The following FYB2 variants were observed in gnomAD, a reference collection of about 807,000 sequenced individuals.
FYB2 encodes the protein FYN binding protein 2, also known as FYN-binding protein 2.
FYB2 carries 103 observed loss-of-function variants against 94.1 expected under a neutral mutation model. The ratio of observed to expected loss-of-function variants is 1.09; its 90% CI spans 0.93 to 1.29. The LOEUF (loss-of-function observed/expected upper bound fraction) is 1.29. Among genes scored for constraint, FYB2 ranks in the 50% most tolerant of loss-of-function variants. The pLI is 0.00. For synonymous variants in FYB2, 293 were observed against 287.9 expected (o/e 1.02, Z -0.18); for missense variants, 896 against 841.5 (o/e 1.06, Z -0.80).
intron 5 of FYB2, 107 bp downstream of exon 5, chr1:56,767,722 G>T: frequency 1.2e-6 from 1 of 806,968 alleles, no homozygotes; most frequent in South Asian, 1.6e-5. Context: ...GGTTGTGCAG[G>T]ATGGCTGTGC....
chr1:56,804,413 T>C (rs1646591997), intron 1 of FYB2, among the ~76,000 whole-genome samples: 1 of 152,164 alleles, frequency 6.6e-6, no homozygotes, highest in Non-Finnish European at 1.5e-5. Context: ...ATTAATTTCA[T>C]GCCAATGATG....
intron 15 of FYB2, 133 bp downstream of exon 15, chr1:56,736,954 A>G: frequency 1.4e-6 from 1 of 708,654 alleles, no homozygotes. Flanking sequence ...CCTCTTAGTG[A>G]GAAGACTATC....
Position 56,737,089 on chromosome 1 carries a change from T to A in FYB2, c.1791A>T (p.Ser597=). Reference sequence around the variant, plus strand: ...GACCAATAAGGTAAATTACTTACTTTGACTCTTTTTCACTCAGGTCTACAT... The same window carrying A: ...GACCAATAAGGTAAATTACTTACTTAGACTCTTTTTCACTCAGGTCTACAT... The part of the protein sequence containing the change: ...YDDVDLSEKE[S]KDEDKLKMWK... Residue 597 remains serine, a splice_region_variant and synonymous_variant, in exon 15 of 20, where the codon TCA becomes TCT. Transcript: ENST00000343433. 1.3e-6 allele frequency: 2 copies of A among 1,599,652 alleles called. No individual in the cohort carries two copies. Among genetic ancestry groups the A allele is most frequent in the Non-Finnish European group, 1.7e-6 (2 of 1,169,164 alleles).
intron 1 of FYB2, among the ~76,000 whole-genome samples, chr1:56,807,060 C>T (rs1248338152): frequency 6.6e-6 from 1 of 152,126 alleles, no homozygotes; most frequent in Non-Finnish European, 1.5e-5. Flanking sequence ...GAACAGGAGG[C>T]TTCACTAGAA....
intron 5 of FYB2, among the ~76,000 whole-genome samples, chr1:56,766,196 T>C (rs1645619443): frequency 6.6e-6 from 1 of 152,144 alleles, no homozygotes; most frequent in South Asian, 2.1e-4. Context: ...AACCAGAATC[T>C]ACATTTTAAC....
upstream of FYB2, chr1:56,823,784 G>C (rs1647007008): frequency 6.6e-6 from 1 of 152,158 alleles, no homozygotes; most frequent in Admixed American, 6.5e-5. Context: ...GTAAAGAAAT[G>C]GTCTTCCCCC....
intron 1 of FYB2, among the ~76,000 whole-genome samples, chr1:56,800,477 A>G (rs1473414033): frequency 1.3e-5 from 2 of 152,164 alleles, no homozygotes; most frequent in Non-Finnish European, 2.9e-5. Context: ...AGGCAAAAAA[A>G]TAAATAAATT....
At chr1:56,720,456 CAT>C in intron 17 of FYB2, 127 bp from the exon 18 acceptor site, 1 of 779,874 alleles carries the variant, frequency 1.3e-6, no homozygotes, top group Non-Finnish European at 1.8e-6. Flanking sequence ...TTAAATAACA[CAT>C]ACAGGAAGAG....
At position 56,792,314 on chromosome 1, in the gene FYB2, T is replaced by G. The variant is rs1646289192; in HGVS notation, c.499A>C (p.Ile167Leu). Residue 167 changes from isoleucine (I) to leucine (L), a missense_variant, in exon 2 of 20, where the codon ATC becomes CTC. By Grantham distance (5) the Ile-to-Leu change is conservative (BLOSUM62 2). Transcript: ENST00000343433. ...ATGCCTTTTTGCCCTTCCAGATGGA[T>G]GGCCTTACTTCCATAGTTGGCAAGG... The part of the protein sequence containing the change: ...LLLANYGSKA[I>L]HLEGQKGMGL... 1 of 1,614,154 alleles carries G rather than the reference T, an allele frequency of 6.2e-7. No individual in the cohort carries two copies. The highest frequency in any genetic ancestry group is 1.7e-5 in the Admixed American group (1 of 60,014).
In FYB2 at chr1:56,719,607, G is replaced by T. The variant is rs1171578578; in HGVS notation, c.*64C>A. ...ACATGTAAACTGAAACTGATGTAACGCAGGACTAGGATCTTAGGACTAGTT... is the reference window on the plus strand; with the variant it reads ...ACATGTAAACTGAAACTGATGTAACTCAGGACTAGGATCTTAGGACTAGTT... On this transcript the variant is annotated 3_prime_UTR_variant, in exon 20 of 20. Transcript: ENST00000343433. 7.1e-7 allele frequency: 1 copy of T among 1,404,276 alleles called. No homozygotes were observed. Among genetic ancestry groups the T allele is most frequent in the Non-Finnish European group, 9.7e-7 (1 of 1,027,404 alleles). 87.0% of individuals were successfully genotyped at this position (1,404,276 alleles called of 1,614,324 possible).
In FYB2 at chr1:56,792,541, G is replaced by C. The variant is rs1299696564; in HGVS notation, c.272C>G (p.Ser91Cys). ...LAQKSEIPKC[S>C]NSPGPLGKST... ...CTTTCCCAGAGGCCCTGGGGAGTTA[G>C]AACATTTTGGAATTTCACTCTTCTG... The change falls in exon 2 of 20, where the codon TCT becomes TGT. Residue 91 changes from serine to cysteine, a missense_variant. Ser to Cys is a moderately radical substitution (Grantham distance 112). Transcript: ENST00000343433. The C allele has an allele frequency of 6.2e-7, 1 of 1,614,032 alleles. No individual in the cohort carries two copies. The highest frequency in any genetic ancestry group is 1.3e-5 in the African/African-American group (1 of 74,924).
At chr1:56,732,606 A>G (rs866868355) in intron 15 of FYB2, among the ~76,000 whole-genome samples, 1 of 152,176 alleles carries the variant, frequency 6.6e-6, no homozygotes, top group Non-Finnish European at 1.5e-5. Flanking sequence ...TAATCAAAAC[A>G]GCACAGTGTT....
At position 56,744,285 on chromosome 1, in the gene FYB2, A is replaced by G. The variant is rs780485808; in HGVS notation, c.1388-19T>C. The stretch of plus-strand genomic sequence containing the variant: ...TGCCCACCTGAAAGGAAACCAGAAA[A>G]CCTGAAAAACATCACATCAGCTGCC... On this transcript the variant is annotated intron_variant, in intron 9 of 19. Transcript: ENST00000343433. 4 of 1,564,832 alleles carry G rather than the reference A, an allele frequency of 2.6e-6. No homozygotes were observed. Among genetic ancestry groups the G allele is most frequent in the Non-Finnish European group, 3.5e-6 (4 of 1,140,176 alleles).
At position 56,720,076 on chromosome 1, in the gene FYB2, C is replaced by G. The variant is rs201405302; in HGVS notation, c.2132-21G>C. On this transcript the variant is annotated intron_variant, in intron 18 of 19. Transcript: ENST00000343433. ...TCCATCTAATAGAAACAAAAGTCACCGTTAATTTGAAAGTTATAGAGAAAA... is the reference window on the plus strand; with the variant it reads ...TCCATCTAATAGAAACAAAAGTCACGGTTAATTTGAAAGTTATAGAGAAAA... The G allele has an allele frequency of 1.8e-5, 29 of 1,596,456 alleles. No individual in the cohort carries two copies. In the African/African-American group the frequency reaches 3.7e-4, roughly 20 times the overall value.
At chr1:56,816,690 T>C (rs1646889549) in intron 1 of FYB2, among the ~76,000 whole-genome samples, 1 of 152,172 alleles carries the variant, frequency 6.6e-6, no homozygotes, top group Non-Finnish European at 1.5e-5. Context: ...ACCTCCTGCC[T>C]GGGCCTCTTC....
Position 56,792,479 on chromosome 1 carries a change from A to G in FYB2, c.334T>C (p.Ser112Pro). Reference protein sequence around the residue: ...VCSATSSQKASLLLEVTQSNV... With the variant: ...VCSATSSQKAPLLLEVTQSNV... ...GATTGAGTCACCTCTAACAGCAGAG[A>G]AGCCTTCTGTGAACTTGTTGCAGAA... Residue 112 changes from serine to proline, a missense_variant, in exon 2 of 20, where the codon TCT becomes CCT. By Grantham distance (74) the Ser-to-Pro change is moderately conservative. Coordinates refer to ENST00000343433, the MANE Select transcript of FYB2 (RefSeq NM_001004303.5). 1 of 1,614,104 alleles carries G rather than the reference A, an allele frequency of 6.2e-7. No homozygotes were observed. The highest frequency in any genetic ancestry group is 8.5e-7 in the Non-Finnish European group (1 of 1,179,958).
intron 11 of FYB2, among the ~76,000 whole-genome samples, chr1:56,743,023 A>C (rs1644989707): frequency 6.6e-6 from 1 of 152,044 alleles, no homozygotes; most frequent in South Asian, 2.1e-4. Context: ...GGAATGACTA[A>C]GTCAAGCCAG....
Position 56,789,151 on chromosome 1 carries a change from A to T in FYB2, c.758-17T>A. On this transcript the variant is annotated splice_polypyrimidine_tract_variant and intron_variant, in intron 2 of 19. Coordinates refer to ENST00000343433, the MANE Select transcript of FYB2 (RefSeq NM_001004303.5). ...GCTGTTTTTCTGAACACAAGACAGTAAAAAATGTAAGTTATGATTATTTTC... is the reference window on the plus strand; with the variant it reads ...GCTGTTTTTCTGAACACAAGACAGTTAAAAATGTAAGTTATGATTATTTTC... 6.5e-7 allele frequency: 1 copy of T among 1,539,300 alleles called. No individual in the cohort carries two copies. The highest frequency in any genetic ancestry group is 8.7e-7 in the Non-Finnish European group (1 of 1,147,400).
chr1:56,801,371 C>T (rs1010110460), intron 1 of FYB2, among the ~76,000 whole-genome samples: 4 of 152,158 alleles, frequency 2.6e-5, no homozygotes, highest in African/African-American at 9.7e-5. Context: ...TACTGCTTCC[C>T]ATTGATGTCT....
Sources: allele counts gnomAD v4.1 joint callset (sites outside exome capture counted in the v4.1 genomes callset), GRCh38; gene constraint gnomAD v4.1.1; transcripts MANE v1.5; gene names NCBI Gene and HGNC (gene_info 2026-07-23, HGNC 2026-07-21).